Variants in INPP4A observed in about 807,000 individuals in gnomAD.
The protein encoded by INPP4A is inositol polyphosphate-4-phosphatase type I A.
INPP4A carries 33 observed loss-of-function variants against 119.8 expected under a neutral mutation model. The ratio of observed to expected loss-of-function variants is 0.28; its 90% confidence interval spans 0.21 to 0.37. The LOEUF (loss-of-function observed/expected upper bound fraction) is 0.37. INPP4A is among the 10% of genes least tolerant of loss of function. The pLI, the probability that INPP4A is intolerant of heterozygous loss-of-function variation, is 1.00. For missense variants in INPP4A, 956 were observed against 1,289.9 expected, an observed-to-expected ratio of 0.74 and a Z score of 3.97; for synonymous variants, 496 against 500.7, an observed-to-expected ratio of 0.99 and a Z score of 0.12.
chr2:98,498,178 C>T (rs1682415887), intron 1 of INPP4A, among the ~76,000 whole-genome samples: 1 of 152,026 alleles, frequency 6.6e-6, no homozygotes, highest in African/African-American at 2.4e-5. Flanking sequence ...CTACCCAGAT[C>T]TCATGTTGAA....
chr2:98,451,351 C>A (rs181028765), intron 1 of INPP4A, among the ~76,000 whole-genome samples: 1 of 152,184 alleles, frequency 6.6e-6, no homozygotes, highest in Admixed American at 6.5e-5. Context: ...ATGGTGGGGG[C>A]AGTGGGGGGA....
chr2:98,495,203 T>A (rs574642829), intron 1 of INPP4A, among the ~76,000 whole-genome samples: 2 of 152,184 alleles, frequency 1.3e-5, no homozygotes, highest in South Asian at 4.1e-4. Flanking sequence ...GAAAAATGGG[T>A]ATGACAGAAA....
At chr2:98,579,056 TC>T (rs1173911824) in intron 24 of INPP4A, among the ~76,000 whole-genome samples, 1 of 151,860 alleles carries the variant, frequency 6.6e-6, no homozygotes, top group African/African-American at 2.4e-5. Context: ...ACTTTTTTTT[TC>T]TTTTTTTTTT....
chr2:98,487,517 C>T (rs1449531708), intron 1 of INPP4A, among the ~76,000 whole-genome samples: 1 of 152,204 alleles, frequency 6.6e-6, no homozygotes, highest in Non-Finnish European at 1.5e-5. Context: ...CAGGCGTGAG[C>T]CACCATGCCT....
At chr2:98,452,293 C>G (rs1369221625) in intron 1 of INPP4A, among the ~76,000 whole-genome samples, 1 of 152,138 alleles carries the variant, frequency 6.6e-6, no homozygotes, top group African/African-American at 2.4e-5. Flanking sequence ...AGGTGTGGTC[C>G]TCAGACCAGT....
At chr2:98,472,089 C>A (rs539170120) in intron 1 of INPP4A, among the ~76,000 whole-genome samples, 1 of 152,322 alleles carries the variant, frequency 6.6e-6, no homozygotes, top group African/African-American at 2.4e-5. Context: ...TTTGATCTCC[C>A]ATGTGACTCC....
chr2:98,581,201 A>G (rs1699249477), intron 24 of INPP4A, among the ~76,000 whole-genome samples: 1 of 152,230 alleles, frequency 6.6e-6, no homozygotes, highest in Admixed American at 6.5e-5. Flanking sequence ...TCTGTGCAGC[A>G]TGTGGGGGCA....
In INPP4A at chr2:98,587,867, T is replaced by C; in HGVS notation, c.*259T>C. ...CTATTTAAATTAAATAGCCTTTGGC[T>C]GTAACTACACAGATCTCATCAATAG... On this transcript the variant is annotated 3_prime_UTR_variant, in exon 25 of 25. Coordinates refer to ENST00000409851, the MANE Select transcript of INPP4A (RefSeq NM_001134225.2). 2.8e-6 allele frequency: 1 copy of C among 353,316 alleles called. No homozygotes were observed. The allele number at this position is 353,316 out of a possible 1,614,324, so 21.9% of individuals were successfully genotyped here.
chr2:98,571,053 G>A (rs1697351024), intron 22 of INPP4A, among the ~76,000 whole-genome samples: 1 of 152,210 alleles, frequency 6.6e-6, no homozygotes, highest in African/African-American at 2.4e-5. Flanking sequence ...GGTCCTGCGA[G>A]GACTTGGCAG....
intron 21 of INPP4A, among the ~76,000 whole-genome samples, chr2:98,567,611 A>T: frequency 6.6e-6 from 1 of 152,328 alleles, no homozygotes. Flanking sequence ...AGCCAGGTGC[A>T]TTGAATAGAG....
intron 24 of INPP4A, among the ~76,000 whole-genome samples, chr2:98,582,915 C>CTGCATAAGTCAAACAGA (rs1699530526): frequency 6.6e-6 from 1 of 151,892 alleles, no homozygotes; most frequent in African/African-American, 2.4e-5. Flanking sequence ...AGATCACCTA[C>CTGCATAAGTCAAACAGA]TGCATAAGTC....
At chr2:98,543,108 G>T (rs1359437968) in intron 10 of INPP4A, among the ~76,000 whole-genome samples, 3 of 152,088 alleles carry the variant, frequency 2.0e-5, no homozygotes, top group Non-Finnish European at 4.4e-5. Context: ...TTTTAGTAGA[G>T]ACGGGGTTTC....
chr2:98,496,699 G>T (rs1318158097), intron 1 of INPP4A, among the ~76,000 whole-genome samples: 1 of 152,184 alleles, frequency 6.6e-6, no homozygotes. Flanking sequence ...TTAAAAATGG[G>T]CAAAAGACCT....
intron 16 of INPP4A, among the ~76,000 whole-genome samples, chr2:98,559,207 A>C (rs893900687): frequency 6.6e-6 from 1 of 152,206 alleles, no homozygotes; most frequent in South Asian, 2.1e-4. Context: ...TTTATGTTGA[A>C]CTATTGGCAA....
intron 1 of INPP4A, among the ~76,000 whole-genome samples, chr2:98,493,350 A>G (rs1467649966): frequency 6.6e-6 from 1 of 151,474 alleles, no homozygotes; most frequent in Non-Finnish European, 1.5e-5. Context: ...CTCTCATGAT[A>G]CTAAGTTTTC....
intron 1 of INPP4A, among the ~76,000 whole-genome samples, chr2:98,512,794 G>C (rs1298431295): frequency 1.3e-5 from 2 of 152,176 alleles, no homozygotes; most frequent in Non-Finnish European, 2.9e-5. Flanking sequence ...GTGGACCAGG[G>C]TGCTGGGGGC....
chr2:98,457,327 G>T (rs1419746838), intron 1 of INPP4A, among the ~76,000 whole-genome samples: 2 of 152,206 alleles, frequency 1.3e-5, no homozygotes, highest in Admixed American at 1.3e-4. Context: ...GGAGACCGAG[G>T]CAGGAGGATT....
intron 1 of INPP4A, among the ~76,000 whole-genome samples, chr2:98,471,859 G>C (rs376481974): frequency 3.3e-5 from 5 of 152,202 alleles, no homozygotes; most frequent in African/African-American, 1.2e-4. Flanking sequence ...CACAGGCCAA[G>C]CAAACTGCCA....
At chr2:98,520,260 C>G (rs1686931288) in intron 3 of INPP4A, 106 bp downstream of exon 3, 1 of 855,882 alleles carries the variant, frequency 1.2e-6, no homozygotes. Context: ...CATGACTACC[C>G]TAGACTACAG....
Sources: allele counts gnomAD v4.1 joint callset (sites outside exome capture counted in the v4.1 genomes callset), GRCh38; gene constraint gnomAD v4.1.1; transcripts MANE v1.5; gene names NCBI Gene and HGNC (gene_info 2026-07-23, HGNC 2026-07-21).